The following NKAIN2 variants were observed in gnomAD, a reference collection of about 807,000 sequenced individuals.
NKAIN2 encodes the protein sodium/potassium transporting ATPase interacting 2.
NKAIN2 carries 14 observed loss-of-function variants against 32.6 expected under a neutral mutation model. The observed-to-expected ratio is 0.43, with a 90% CI of 0.28 to 0.67. The LOEUF (loss-of-function observed/expected upper bound fraction) is 0.67, where lower values mean the gene tolerates loss of function less well. Among genes scored for constraint, NKAIN2 ranks in the 30% least tolerant of loss-of-function variants. NKAIN2 has a pLI of 0.17. For missense variants in NKAIN2, 198 were observed against 258.3 expected, an observed-to-expected ratio of 0.77 and a Z score of 1.60; for synonymous variants, 80 against 87.2, an observed-to-expected ratio of 0.92 and a Z score of 0.46.
intron 3 of NKAIN2, among the ~76,000 whole-genome samples, chr6:124,513,836 C>T (rs566960923): frequency 2.0e-5 from 3 of 152,142 alleles, no homozygotes; most frequent in East Asian, 3.9e-4. Context: ...TTAACCTAAC[C>T]GGATTCCACA....
At chr6:124,704,766 C>T (rs1774969349) in intron 4 of NKAIN2, among the ~76,000 whole-genome samples, 1 of 151,806 alleles carries the variant, frequency 6.6e-6, no homozygotes, top group African/African-American at 2.4e-5. Context: ...TGAAAATCTA[C>T]TATGATTTAT....
chr6:123,950,607 G>A (rs200235960), intron 1 of NKAIN2, among the ~76,000 whole-genome samples: 1 of 15,324 alleles, frequency 6.5e-5, no homozygotes. Flanking sequence ...TAATAGTCTC[G>A]ATGATCTTTT....
rs552442256 is a variant in NKAIN2, at chr6:124,213,151, C to T, written c.55-69854C>T. ...GATCCCCCCAGCTGATAAAAGTTAC[C>T]TTCTCTGAGTTTCTTATGACACAGA... On this transcript the variant is annotated intron_variant, in intron 1 of 6. Coordinates refer to ENST00000368417, the MANE Select transcript of NKAIN2 (RefSeq NM_001040214.3). Among the ~76,000 whole-genome samples the T allele has an allele frequency of 7.9e-5, 12 of 152,162 alleles. No homozygotes were observed. In the South Asian group the frequency reaches 8.3e-4, roughly 11 times the overall value.
rs538922971 is a variant in NKAIN2, at chr6:123,951,684, C to T, written c.54+147430C>T. ...GAGATGAGTTTTCTTTTTTTGTAGG[C>T]AGCATACTACAGTTGGGTCACTTTT... On this transcript the variant is annotated intron_variant, in intron 1 of 6. Transcript: ENST00000368417. 7.9e-5 allele frequency among the ~76,000 whole-genome samples: 12 copies of T among 151,696 alleles called. No individual in the cohort carries two copies. In the South Asian group the frequency reaches 2.5e-3, roughly 32 times the overall value.
At chr6:123,831,649 GT>G (rs200958969) in intron 1 of NKAIN2, among the ~76,000 whole-genome samples, 64 of 140,258 alleles carry the variant, frequency 4.6e-4, no homozygotes, top group African/African-American at 1.1e-3. Flanking sequence ...CTTTGTTACA[GT>G]TTTTTTTTTT....
At chr6:124,368,296 A>G (rs1799608409) in intron 3 of NKAIN2, among the ~76,000 whole-genome samples, 1 of 152,090 alleles carries the variant, frequency 6.6e-6, no homozygotes, top group Admixed American at 6.6e-5. Flanking sequence ...AAACCATTTC[A>G]TAGTTCTCTT....
At chr6:124,411,344 G>A (rs1774170732) in intron 3 of NKAIN2, among the ~76,000 whole-genome samples, 1 of 151,920 alleles carries the variant, frequency 6.6e-6, no homozygotes, top group South Asian at 2.1e-4. Flanking sequence ...CATGTTTAGT[G>A]CTTCCTTCAG....
chr6:123,946,511 T>G (rs1457806353), intron 1 of NKAIN2, among the ~76,000 whole-genome samples: 1 of 152,100 alleles, frequency 6.6e-6, no homozygotes, highest in Non-Finnish European at 1.5e-5. Context: ...GAATTTGAAG[T>G]CTTTTCACCA....
At chr6:124,176,803 T>C (rs552335649) in intron 1 of NKAIN2, among the ~76,000 whole-genome samples, 181 of 152,270 alleles carry the variant, frequency 1.2e-3, no homozygotes, top group African/African-American at 3.8e-3. Context: ...AGGTTGAATA[T>C]CTTTTATGTT....
chr6:124,564,573 T>A (rs903412310), intron 3 of NKAIN2, among the ~76,000 whole-genome samples: 7 of 152,186 alleles, frequency 4.6e-5, no homozygotes, highest in African/African-American at 9.6e-5. Context: ...ACAATAAATC[T>A]TGCTGCTGCT....
At chr6:124,561,716 C>T (rs200790938) in intron 3 of NKAIN2, among the ~76,000 whole-genome samples, 2 of 152,134 alleles carry the variant, frequency 1.3e-5, no homozygotes, top group East Asian at 3.9e-4. Context: ...CATTGCATTA[C>T]TTTAATGGTA....
rs2114843348 is a variant in NKAIN2 at position 124,540,606 on chromosome 6, G to T, written c.274-117580G>T. ...CATGCAAGTTACATCACCTCTGTAA[G>T]ACTCAGTTAACAGGTCTGCGAAACT... On this transcript the variant is annotated intron_variant, in intron 3 of 6. Coordinates refer to ENST00000368417, the MANE Select transcript of NKAIN2 (RefSeq NM_001040214.3). Among the ~76,000 whole-genome samples, 3 of 152,292 alleles carry T rather than the reference G, an allele frequency of 2.0e-5. No homozygotes were observed. The Middle Eastern group carries it at 0.01, about 518-fold the overall frequency.
At chr6:123,914,237 C>G (rs1562254900) in intron 1 of NKAIN2, among the ~76,000 whole-genome samples, 1 of 151,082 alleles carries the variant, frequency 6.6e-6, no homozygotes, top group South Asian at 2.1e-4. Flanking sequence ...GACAGACAGA[C>G]AGACAGAGAG....
At chr6:124,146,948 G>A (rs567356966) in intron 1 of NKAIN2, among the ~76,000 whole-genome samples, 13 of 152,116 alleles carry the variant, frequency 8.5e-5, no homozygotes, top group Non-Finnish European at 1.8e-4. Flanking sequence ...GCATGTTAGT[G>A]TTTCATCTCC....
chr6:124,019,719 A>G (rs1316519975), intron 1 of NKAIN2, among the ~76,000 whole-genome samples: 4 of 152,150 alleles, frequency 2.6e-5, no homozygotes, highest in Non-Finnish European at 4.4e-5. Context: ...GTGCATCTCA[A>G]TTATGGAAAC....
At chr6:124,802,848 T>C (rs1312015037) in intron 5 of NKAIN2, among the ~76,000 whole-genome samples, 2 of 152,222 alleles carry the variant, frequency 1.3e-5, no homozygotes. Flanking sequence ...TTCTCATGCT[T>C]TGGGTCTTCC....
At chr6:124,290,554 G>GTGCA (rs1795760475) in intron 2 of NKAIN2, among the ~76,000 whole-genome samples, 2 of 149,010 alleles carry the variant, frequency 1.3e-5, no homozygotes, top group Non-Finnish European at 3.0e-5. Context: ...GTGTGTGTGC[G>GTGCA]TCTGTGTTGC....
At chr6:124,756,675 A>G (rs1430854051) in intron 4 of NKAIN2, among the ~76,000 whole-genome samples, 1 of 152,046 alleles carries the variant, frequency 6.6e-6, no homozygotes, top group African/African-American at 2.4e-5. Context: ...AAAGAAGGCA[A>G]CTTACAATGA....
At chr6:124,414,684 A>T (rs977453934) in intron 3 of NKAIN2, among the ~76,000 whole-genome samples, 1 of 152,144 alleles carries the variant, frequency 6.6e-6, no homozygotes, top group African/African-American at 2.4e-5. Context: ...CTTTATAGAT[A>T]TAGGTTTATT....
Sources: allele counts gnomAD v4.1 joint callset (sites outside exome capture counted in the v4.1 genomes callset), GRCh38; gene constraint gnomAD v4.1.1; transcripts MANE v1.5; gene names NCBI Gene and HGNC (gene_info 2026-07-23, HGNC 2026-07-21).